CAGE1: variants seen among roughly 807,000 people sequenced by gnomAD.
The protein encoded by CAGE1 is cancer-associated gene 1 protein.
CAGE1 carries 66 observed loss-of-function variants against 94.9 expected under a neutral mutation model. That is an observed-to-expected ratio of 0.70 (90% CI 0.57 to 0.85). The LOEUF (loss-of-function observed/expected upper bound fraction) is 0.85. CAGE1 is among the 40% of genes least tolerant of loss of function. The pLI is 0.00. For missense variants in CAGE1, 865 were observed against 950.4 expected (o/e 0.91, Z 1.18); for synonymous variants, 319 against 321.0 (o/e 0.99, Z 0.07).
chr6:7,340,334 G>A (rs142119191), intron 11 of CAGE1, among the ~76,000 whole-genome samples: 447 of 152,148 alleles, frequency 2.9e-3, no homozygotes, highest in Non-Finnish European at 4.3e-3. Flanking sequence ...TCAGATGTAC[G>A]GAGTGTGAAG....
At chr6:7,385,126 C>T (rs2113477528) in intron 3 of CAGE1, among the ~76,000 whole-genome samples, 1 of 152,260 alleles carries the variant, frequency 6.6e-6, no homozygotes, top group Middle Eastern at 3.4e-3. Flanking sequence ...CTGCCTAAGC[C>T]TCCCAAGTAG....
At chr6:7,383,606 A>G (rs1761012547) in intron 3 of CAGE1, among the ~76,000 whole-genome samples, 2 of 152,210 alleles carry the variant, frequency 1.3e-5, no homozygotes, top group African/African-American at 4.8e-5. Flanking sequence ...ATAACTAATA[A>G]CTCTTGTTAT....
chr6:7,386,657 G>A (rs1761130035), intron 2 of CAGE1, among the ~76,000 whole-genome samples: 1 of 152,080 alleles, frequency 6.6e-6, no homozygotes, highest in South Asian at 2.1e-4. Flanking sequence ...CGCGATCTTG[G>A]CTCCCTGTAA....
chr6:7,344,158 C>T (rs1331776221), intron 11 of CAGE1, among the ~76,000 whole-genome samples: 3 of 152,210 alleles, frequency 2.0e-5, no homozygotes, highest in Admixed American at 2.0e-4. Context: ...ACTGTGAGAG[C>T]CCCTTTCTGG....
chr6:7,347,898 A>G (rs1161643737), intron 11 of CAGE1, among the ~76,000 whole-genome samples: 2 of 152,010 alleles, frequency 1.3e-5, no homozygotes, highest in Non-Finnish European at 2.9e-5. Context: ...CCCATCCCCC[A>G]CAGCAGCTGC....
intron 11 of CAGE1, chr6:7,340,862 A>C: frequency 2.4e-6 from 1 of 413,668 alleles, no homozygotes; most frequent in South Asian, 2.1e-5. Context: ...TTCCTGCAGC[A>C]CACCACAGAA....
chr6:7,326,796 G>T lies in CAGE1; in HGVS notation c.*62C>A. ...GCATGGATTGATTTGGCTAGCATAT[G>T]TAGTAATGACTCTTCCTGGAGTGGT... On this transcript the variant is annotated 3_prime_UTR_variant, in exon 14 of 14. Coordinates refer to ENST00000502583, the MANE Select transcript of CAGE1 (RefSeq NM_001170692.2). The T allele has an allele frequency of 8.9e-7, 1 of 1,125,654 alleles. No individual in the cohort carries two copies. Among genetic ancestry groups the T allele is most frequent in the Non-Finnish European group, 1.4e-6 (1 of 736,224 alleles). The allele number at this position is 1,125,654 out of a possible 1,614,324, so 69.7% of individuals were successfully genotyped here.
intron 3 of CAGE1, among the ~76,000 whole-genome samples, chr6:7,383,952 T>C (rs1306178054): frequency 1.3e-5 from 2 of 152,208 alleles, no homozygotes; most frequent in African/African-American, 4.8e-5. Flanking sequence ...TTGAATGCTA[T>C]TGGTTTTTTA....
intron 11 of CAGE1, among the ~76,000 whole-genome samples, chr6:7,334,725 C>CAAAAAA (rs58790989): frequency 1.5e-4 from 10 of 67,890 alleles, no homozygotes; most frequent in South Asian, 5.5e-4. Context: ...GACTCTCTCT[C>CAAAAAA]AAAAAAAAAA....
At chr6:7,381,120 G>T (rs1187378638) in intron 3 of CAGE1, among the ~76,000 whole-genome samples, 1 of 152,088 alleles carries the variant, frequency 6.6e-6, no homozygotes, top group African/African-American at 2.4e-5. Context: ...ACTGTTATGG[G>T]CTCAATTGTG....
chr6:7,355,292 T>G (rs752452906), intron 10 of CAGE1, among the ~76,000 whole-genome samples, 181 bp from the exon 11 acceptor site: 3 of 152,200 alleles, frequency 2.0e-5, no homozygotes, highest in Non-Finnish European at 2.9e-5. Context: ...ACACGCCCAT[T>G]AATCATGCAG....
intron 9 of CAGE1, among the ~76,000 whole-genome samples, chr6:7,364,626 G>A (rs1292398477): frequency 6.6e-6 from 1 of 151,962 alleles, no homozygotes; most frequent in African/African-American, 2.4e-5. Flanking sequence ...CTGCCACCGC[G>A]CCCGGCTAAT....
chr6:7,373,644 G>C lies in CAGE1; in HGVS notation c.1175C>G (p.Thr392Arg), dbSNP rs749281807. ...CCTGGATTCCTGAAGATGTTTTTGC[G>C]TGTTAGCTAAAACCTCTTCCAAATT... is the stretch of plus-strand genomic sequence containing the variant. The part of the protein sequence containing the change: ...LQNLEEVLAN[T>R]QKHLQESRND... The change falls in exon 5 of 14, where the codon ACG becomes AGG. Residue 392 changes from threonine (T) to arginine (R), a missense_variant. By Grantham distance (71) the Thr-to-Arg change is moderately conservative. Coordinates refer to ENST00000502583, the MANE Select transcript of CAGE1 (RefSeq NM_001170692.2). 6.2e-7 allele frequency: 1 copy of C among 1,612,966 alleles called. No homozygotes were observed. The highest frequency in any genetic ancestry group is 8.5e-7 in the Non-Finnish European group (1 of 1,179,650).
In CAGE1 at chr6:7,339,052, G is replaced by T. The variant is rs893261411; in HGVS notation, c.2370-4962C>A. 3.1e-6 allele frequency: 5 copies of T among 1,603,870 alleles called. No homozygotes were observed. In the African/African-American group the frequency reaches 4.0e-5, roughly 13 times the overall value. On this transcript the variant is annotated intron_variant, in intron 11 of 13. Coordinates refer to ENST00000502583, the MANE Select transcript of CAGE1 (RefSeq NM_001170692.2). This position sits in a 1 kb window ranked among gnomAD's most constrained non-coding sequence, Gnocchi z 4.7. Reference sequence around the variant, plus strand: ...ACACTCTGTCTGAGCAACACATGGCGCACAGCAGTGTCAACGTAGTAGTTA... The same window carrying T: ...ACACTCTGTCTGAGCAACACATGGCTCACAGCAGTGTCAACGTAGTAGTTA...
chr6:7,360,801 G>A (rs1263061764), intron 9 of CAGE1, among the ~76,000 whole-genome samples: 1 of 152,006 alleles, frequency 6.6e-6, no homozygotes, highest in Non-Finnish European at 1.5e-5. Flanking sequence ...CAAAAAATTA[G>A]CCAGGTGGGG....
chr6:7,345,051 A>G (rs1255920182), intron 11 of CAGE1, among the ~76,000 whole-genome samples: 4 of 152,116 alleles, frequency 2.6e-5, no homozygotes, highest in African/African-American at 4.8e-5. Context: ...CAGCAGCGGC[A>G]GATGGCTGGT....
At chr6:7,340,563 A>G (rs906567389) in intron 11 of CAGE1, among the ~76,000 whole-genome samples, 2 of 152,196 alleles carry the variant, frequency 1.3e-5, no homozygotes, top group Non-Finnish European at 2.9e-5. Flanking sequence ...CCCAATAAAA[A>G]CATTTTGCAT....
At chr6:7,364,760 G>A (rs1387547694) in intron 9 of CAGE1, among the ~76,000 whole-genome samples, 2 of 151,980 alleles carry the variant, frequency 1.3e-5, no homozygotes, top group African/African-American at 4.8e-5. Flanking sequence ...GAGCCACCGC[G>A]CCTGGTCAAT....
chr6:7,339,382 C>A lies in CAGE1; in HGVS notation c.2370-5292G>T. On this transcript the variant is annotated intron_variant, in intron 11 of 13. Transcript: ENST00000502583. This position sits in a 1 kb window ranked among gnomAD's most constrained non-coding sequence, Gnocchi z 4.7. The stretch of plus-strand genomic sequence containing the variant: ...GCAGTCAGTTCCCGAATCCGCCGGC[C>A]CTTCTCACCAAGAACATTCTGTGTT... 6.2e-7 allele frequency: 1 copy of A among 1,607,264 alleles called. No individual in the cohort carries two copies. The highest frequency in any genetic ancestry group is 1.1e-5 in the South Asian group (1 of 90,930).
Sources: gnomAD v4.1 joint callset for allele counts (sites outside exome capture counted in the v4.1 genomes callset) on GRCh38, gnomAD v4.1.1 for gene constraint, Gnocchi (gnomAD v3.1) non-coding constraint, MANE v1.5 for transcripts, NCBI Gene and HGNC (gene_info 2026-07-23, HGNC 2026-07-21) for gene names.